The following EXD2 variants were observed in gnomAD, a reference collection of about 807,000 sequenced individuals.
The protein encoded by EXD2 is exonuclease 3'-5' domain containing 2.
In EXD2, 40 loss-of-function variants were observed where a neutral mutation model predicts 62.5. That is an observed-to-expected ratio of 0.64 (90% CI 0.50 to 0.83). The LOEUF is 0.83. Among genes scored for constraint, EXD2 ranks in the 40% least tolerant of loss-of-function variants. The pLI, the probability that EXD2 is intolerant of heterozygous loss-of-function variation, is 0.00. For missense variants in EXD2, 671 were observed against 761.8 expected, an observed-to-expected ratio of 0.88 and a Z score of 1.40; for synonymous variants, 239 against 291.9, an observed-to-expected ratio of 0.82 and a Z score of 1.85.
intron 9 of EXD2, among the ~76,000 whole-genome samples, chr14:69,238,632 GT>G (rs1200860236): frequency 1.2e-3 from 173 of 149,060 alleles, no homozygotes; most frequent in African/African-American, 4.1e-3. Context: ...TAGTTTTGTG[GT>G]TTTTTTGTTT....
At chr14:69,227,700 T>G (rs910733381) in intron 3 of EXD2, among the ~76,000 whole-genome samples, 4 of 151,736 alleles carry the variant, frequency 2.6e-5, no homozygotes, top group African/African-American at 9.7e-5. Flanking sequence ...AAAAATTAGC[T>G]GGGCGTGCCT....
At chr14:69,213,737 C>T (rs1293255557) in intron 3 of EXD2, among the ~76,000 whole-genome samples, 1 of 149,940 alleles carries the variant, frequency 6.7e-6, no homozygotes, top group African/African-American at 2.5e-5. Context: ...AATCTTGACT[C>T]ACTGCAACCT....
chr14:69,230,611 A>G lies in EXD2; in HGVS notation c.717+13A>G. ...CACAGAGGACCAGGTACTTCTTATCAGAGTAGTTGAAGAATGGAAAGTCAT... is the reference window on the plus strand; with the variant it reads ...CACAGAGGACCAGGTACTTCTTATCGGAGTAGTTGAAGAATGGAAAGTCAT... On this transcript the variant is annotated intron_variant, in intron 5 of 9. Coordinates refer to ENST00000685843, the MANE Select transcript of EXD2 (RefSeq NM_001193360.2). 4 of 1,588,514 alleles carry G rather than the reference A, an allele frequency of 2.5e-6. No individual in the cohort carries two copies. Among genetic ancestry groups the G allele is most frequent in the Non-Finnish European group, 3.4e-6 (4 of 1,169,976 alleles).
intron 3 of EXD2, among the ~76,000 whole-genome samples, chr14:69,212,124 C>G (rs541917078): frequency 6.6e-6 from 1 of 152,198 alleles, no homozygotes; most frequent in East Asian, 1.9e-4. Context: ...GCCTGTAATC[C>G]TAGCACTTTG....
intron 3 of EXD2, among the ~76,000 whole-genome samples, chr14:69,214,919 T>C (rs925942627): frequency 5.3e-5 from 8 of 152,118 alleles, no homozygotes; most frequent in African/African-American, 1.4e-4. Context: ...CATATAGTGT[T>C]CCATGGTATA....
chr14:69,211,300 C>T (rs747728754), intron 3 of EXD2, among the ~76,000 whole-genome samples: 2 of 151,914 alleles, frequency 1.3e-5, no homozygotes, highest in African/African-American at 2.4e-5. Context: ...ACTTTCTTTG[C>T]TCATCCATAA....
intron 3 of EXD2, among the ~76,000 whole-genome samples, chr14:69,212,592 A>G (rs1268112554): frequency 6.7e-6 from 1 of 148,272 alleles, no homozygotes; most frequent in African/African-American, 2.5e-5. Flanking sequence ...ATCATAGTTC[A>G]CTGAACCTCG....
intron 9 of EXD2, among the ~76,000 whole-genome samples, chr14:69,240,261 A>T (rs1041486838): frequency 6.6e-6 from 1 of 151,456 alleles, no homozygotes; most frequent in African/African-American, 2.4e-5. Context: ...TTTTTTAAGG[A>T]CTCTGCTTAG....
chr14:69,197,433 T>C (rs2140185300), intron 1 of EXD2, among the ~76,000 whole-genome samples: 1 of 152,080 alleles, frequency 6.6e-6, no homozygotes, highest in Non-Finnish European at 1.5e-5. Context: ...TTTTTTTTTA[T>C]AATTTCAACT....
At chr14:69,213,537 A>T (rs559490570) in intron 3 of EXD2, among the ~76,000 whole-genome samples, 57 of 76,504 alleles carry the variant, frequency 7.5e-4, no homozygotes, top group South Asian at 6.2e-4. Flanking sequence ...CACCTGGATA[A>T]TTTTTTTTTT....
chr14:69,211,836 A>G (rs906961190), intron 3 of EXD2, among the ~76,000 whole-genome samples: 1 of 152,214 alleles, frequency 6.6e-6, no homozygotes, highest in African/African-American at 2.4e-5. Flanking sequence ...TGAAGTGAAT[A>G]GTAATTGATC....
Position 69,242,584 on chromosome 14 carries a change from C to T in EXD2, c.*1484C>T, listed in dbSNP as rs946355641. On this transcript the variant is annotated 3_prime_UTR_variant, in exon 10 of 10. Transcript: ENST00000685843. ...TCATTCCCACTTGTCTTCAGGCAGG[C>T]ATTTCTGGGATCTAAACTAGAAATC... is the stretch of plus-strand genomic sequence containing the variant. 7 of 152,278 alleles carry T rather than the reference C, an allele frequency of 4.6e-5. No homozygotes were observed. Among genetic ancestry groups the T allele is most frequent in the Non-Finnish European group, 1.0e-4 (7 of 68,088 alleles). 9.4% of individuals were successfully genotyped at this position (152,278 alleles called of 1,614,324 possible). A position where few individuals can be genotyped will look rare whatever the true frequency, so the allele number is the denominator to read the frequency against.
chr14:69,233,846 A>G (rs892217887), intron 5 of EXD2, among the ~76,000 whole-genome samples: 48 of 149,616 alleles, frequency 3.2e-4, no homozygotes, highest in African/African-American at 1.1e-3. Context: ...GCTCACTGCA[A>G]TCTTCGTCTC....
At chr14:69,208,639 A>G (rs899624765) in intron 2 of EXD2, among the ~76,000 whole-genome samples, 1 of 152,282 alleles carries the variant, frequency 6.6e-6, no homozygotes, top group Non-Finnish European at 1.5e-5. Flanking sequence ...TGTTACAGAA[A>G]AATGAAAAAG....
Position 69,209,516 on chromosome 14 carries a change from G to C in EXD2, c.46G>C (p.Gly16Arg). ...LVALTVTTLL[G>R]VAVGGFVLWK... Reference sequence around the variant, plus strand: ...GGCTTTGACAGTGACTACCCTTCTGGGTGTGGCTGTAGGGGGGTTTGTCCT... The same window carrying C: ...GGCTTTGACAGTGACTACCCTTCTGCGTGTGGCTGTAGGGGGGTTTGTCCT... The change falls in exon 3 of 10, where the codon GGT (glycine) becomes CGT (arginine). Residue 16 changes from glycine (G) to arginine (R), a missense_variant. Transcript: ENST00000685843. The C allele has an allele frequency of 5.8e-6, 9 of 1,550,036 alleles. No individual in the cohort carries two copies. Among genetic ancestry groups the C allele is most frequent in the Non-Finnish European group, 7.8e-6 (9 of 1,146,650 alleles).
intron 1 of EXD2, among the ~76,000 whole-genome samples, chr14:69,200,394 T>C (rs1025765815): frequency 3.9e-5 from 6 of 152,192 alleles, no homozygotes; most frequent in Admixed American, 6.5e-5. Flanking sequence ...TGTCATTGAA[T>C]TGTACACTTA....
chr14:69,209,367 GT>G, intron 2 of EXD2, 56 bp from the exon 3 acceptor site: 1 of 939,866 alleles, frequency 1.1e-6, no homozygotes. Context: ...AGGAAAACTT[GT>G]TTATGTAAAG....
intron 3 of EXD2, among the ~76,000 whole-genome samples, chr14:69,222,010 C>T (rs1486131729): frequency 1.3e-5 from 2 of 150,322 alleles, no homozygotes; most frequent in African/African-American, 4.9e-5. Flanking sequence ...ATCGCTTGAA[C>T]CTGGGAGGTG....
chr14:69,231,916 A>AC (rs1419050926), intron 5 of EXD2, among the ~76,000 whole-genome samples: 6 of 147,030 alleles, frequency 4.1e-5, no homozygotes, highest in Non-Finnish European at 5.9e-5. Context: ...CAGTAAAAAA[A>AC]AAAAAAAAAA....
Sources: gnomAD v4.1 joint callset for allele counts (sites outside exome capture counted in the v4.1 genomes callset) on GRCh38, gnomAD v4.1.1 for gene constraint, MANE v1.5 for transcripts, NCBI Gene and HGNC (gene_info 2026-07-23, HGNC 2026-07-21) for gene names.